SUGCT: variants seen among roughly 807,000 people sequenced by gnomAD.
SUGCT encodes the protein succinyl-CoA:glutarate CoA-transferase.
In SUGCT, 41 loss-of-function variants were observed where a neutral mutation model predicts 55.0. The observed-to-expected ratio is 0.74, with a 90% CI of 0.58 to 0.97. The LOEUF (loss-of-function observed/expected upper bound fraction) is 0.97. Ranked by LOEUF, SUGCT falls within the 50% of genes least tolerant of loss-of-function variation. SUGCT has a pLI of 0.00. For missense variants in SUGCT, 568 were observed against 547.8 expected (o/e 1.04, Z -0.37); for synonymous variants, 187 against 200.4 (o/e 0.93, Z 0.56).
the SUGCT span, among the ~76,000 whole-genome samples, chr7:40,953,937 T>G: frequency 6.6e-6 from 1 of 152,216 alleles, no homozygotes; most frequent in Non-Finnish European, 1.5e-5. Flanking sequence ...TGTTCTCAGA[T>G]CTCAAACTCC....
intron 13 of SUGCT, among the ~76,000 whole-genome samples, chr7:40,772,623 CTATCTA>C (rs1789228799): frequency 1.3e-5 from 2 of 149,166 alleles, no homozygotes; most frequent in Non-Finnish European, 3.0e-5. Flanking sequence ...ATCTATCTAT[CTATCTA>C]TCTCTATCAT....
intron 12 of SUGCT, among the ~76,000 whole-genome samples, chr7:40,695,165 ATTTT>A (rs575113951): frequency 1.2e-4 from 16 of 135,588 alleles, no homozygotes; most frequent in Middle Eastern, 7.4e-3. Flanking sequence ...CTAAACCCTT[ATTTT>A]TATTTATTTA....
At chr7:40,553,695 TTATG>T (rs932805673) in intron 12 of SUGCT, among the ~76,000 whole-genome samples, 3 of 152,140 alleles carry the variant, frequency 2.0e-5, no homozygotes, top group African/African-American at 7.2e-5. Flanking sequence ...AGCTGCCACA[TTATG>T]TGTGTGTGTG....
intron 9 of SUGCT, among the ~76,000 whole-genome samples, chr7:40,317,291 T>C (rs1304103805): frequency 1.3e-5 from 2 of 152,196 alleles, no homozygotes; most frequent in Admixed American, 1.3e-4. Flanking sequence ...TGATGGTTCT[T>C]CATTTTTGGA....
intron 2 of SUGCT, among the ~76,000 whole-genome samples, chr7:40,181,738 TC>T (rs889768454): frequency 1.9e-4 from 27 of 140,356 alleles, no homozygotes; most frequent in African/African-American, 6.1e-4. Context: ...AGAGCGAGAC[TC>T]CGTCTCCAAA....
chr7:40,969,924 C>G, the SUGCT span, among the ~76,000 whole-genome samples: 2 of 152,164 alleles, frequency 1.3e-5, no homozygotes, highest in Admixed American at 6.5e-5. Context: ...TTCCTGTTGG[C>G]TTTTGTCCCA....
At chr7:40,211,053 T>A (rs1439685981) in intron 6 of SUGCT, among the ~76,000 whole-genome samples, 1 of 151,630 alleles carries the variant, frequency 6.6e-6, no homozygotes, top group Non-Finnish European at 1.5e-5. Flanking sequence ...CTCGGCTCAC[T>A]GTAACCTCCA....
At chr7:40,547,701 C>T (rs1369751112) in intron 12 of SUGCT, among the ~76,000 whole-genome samples, 1 of 152,102 alleles carries the variant, frequency 6.6e-6, no homozygotes, top group Non-Finnish European at 1.5e-5. Flanking sequence ...TCAGAGGTTA[C>T]TTCTCTTTAT....
chr7:40,346,103 G>T (rs1797291528), intron 9 of SUGCT, among the ~76,000 whole-genome samples: 1 of 151,868 alleles, frequency 6.6e-6, no homozygotes, highest in Admixed American at 6.6e-5. Context: ...CTATTCTCTA[G>T]AAGATTGAAA....
Position 40,180,986 on chromosome 7 carries a change from T to G in SUGCT, c.140T>G (p.Leu47Arg). 6.2e-7 allele frequency: 1 copy of G among 1,610,044 alleles called. No individual in the cohort carries two copies. Among genetic ancestry groups the G allele is most frequent in the Non-Finnish European group, 8.5e-7 (1 of 1,176,638 alleles). Residue 47 changes from leucine (L) to arginine (R), a missense_variant, in exon 2 of 14, where the codon CTG (leucine) becomes CGG (arginine). Coordinates refer to ENST00000335693, the MANE Select transcript of SUGCT (RefSeq NM_001193313.2). ...AAGCCATTGGAAGGGGTAAAAATTCTGGATCTAACAAGGTTTGTATTGGTT... is the reference window on the plus strand; with the variant it reads ...AAGCCATTGGAAGGGGTAAAAATTCGGGATCTAACAAGGTTTGTATTGGTT... Reference protein sequence around the residue: ...NIKPLEGVKILDLTRVLAGPF... With the variant: ...NIKPLEGVKIRDLTRVLAGPF...
the SUGCT span, among the ~76,000 whole-genome samples, chr7:40,872,151 C>T: frequency 6.6e-6 from 1 of 152,116 alleles, no homozygotes; most frequent in African/African-American, 2.4e-5. Flanking sequence ...ATGTCAGTAA[C>T]GCTGCTGCAG....
intron 7 of SUGCT, among the ~76,000 whole-genome samples, chr7:40,258,827 A>G (rs1791014762): frequency 6.6e-6 from 1 of 152,198 alleles, no homozygotes; most frequent in Non-Finnish European, 1.5e-5. Flanking sequence ...CAACCCCACC[A>G]ATGGGCATAT....
chr7:40,462,905 ATTT>A (rs1562794995), intron 11 of SUGCT, among the ~76,000 whole-genome samples: 1 of 152,046 alleles, frequency 6.6e-6, no homozygotes, highest in South Asian at 2.1e-4. Flanking sequence ...CACTTAAAAA[ATTT>A]TTTCTCTTGC....
At chr7:40,430,388 T>G (rs757328908) in intron 9 of SUGCT, among the ~76,000 whole-genome samples, 1 of 152,196 alleles carries the variant, frequency 6.6e-6, no homozygotes, top group Non-Finnish European at 1.5e-5. Context: ...TATCTCATAG[T>G]GGTTTCAATT....
chr7:40,977,033 T>C, the SUGCT span, among the ~76,000 whole-genome samples: 1 of 152,152 alleles, frequency 6.6e-6, no homozygotes, highest in African/African-American at 2.4e-5. Context: ...TGATGATAAA[T>C]CTTTCAGCAA....
At chr7:40,543,052 G>C (rs1794787067) in intron 12 of SUGCT, among the ~76,000 whole-genome samples, 1 of 152,128 alleles carries the variant, frequency 6.6e-6, no homozygotes, top group Admixed American at 6.6e-5. Flanking sequence ...AAGTATAGAA[G>C]CCCACCAGTG....
intron 9 of SUGCT, among the ~76,000 whole-genome samples, chr7:40,372,089 T>C (rs1203165950): frequency 6.6e-6 from 1 of 151,592 alleles, no homozygotes; most frequent in Non-Finnish European, 1.5e-5. Flanking sequence ...TGACATGGTT[T>C]TACTGGTTTG....
chr7:40,614,011 A>G (rs963837590), intron 12 of SUGCT, among the ~76,000 whole-genome samples: 1 of 152,116 alleles, frequency 6.6e-6, no homozygotes, highest in African/African-American at 2.4e-5. Context: ...ATCTGTGCTA[A>G]TTCGTATGTC....
At chr7:40,916,215 T>C in the SUGCT span, among the ~76,000 whole-genome samples, 10 of 152,296 alleles carry the variant, frequency 6.6e-5, no homozygotes, top group East Asian at 1.9e-3. Context: ...CTTCTTTCAG[T>C]ACCAGACCTA....
Sources: gnomAD v4.1 joint callset for allele counts (sites outside exome capture counted in the v4.1 genomes callset) on GRCh38, gnomAD v4.1.1 for gene constraint, MANE v1.5 for transcripts, NCBI Gene and HGNC (gene_info 2026-07-23, HGNC 2026-07-21) for gene names.